Variants in SSH2 observed in about 807,000 individuals in gnomAD.
SSH2 encodes slingshot protein phosphatase 2.
Under a neutral mutation model 135.2 loss-of-function variants are expected in SSH2, and 37 were observed. The ratio of observed to expected loss-of-function variants is 0.27; its 90% confidence interval spans 0.21 to 0.36. SSH2 has a LOEUF of 0.36. Ranked by LOEUF, SSH2 falls within the 10% of genes least tolerant of loss-of-function variation. SSH2 has a pLI of 1.00. For synonymous variants in SSH2, 628 were observed against 646.2 expected, an observed-to-expected ratio of 0.97 and a Z score of 0.43; for missense variants, 1,408 against 1,765.3, an observed-to-expected ratio of 0.80 and a Z score of 3.63.
intron 3 of SSH2, among the ~76,000 whole-genome samples, chr17:29,791,626 C>T (rs2042066277): frequency 1.3e-5 from 2 of 152,220 alleles, no homozygotes; most frequent in South Asian, 4.1e-4. Context: ...TCTTACATAC[C>T]GTATAGCTAC....
At chr17:29,811,852 A>T (rs1220492653) in intron 2 of SSH2, among the ~76,000 whole-genome samples, 2 of 152,218 alleles carry the variant, frequency 1.3e-5, no homozygotes, top group Non-Finnish European at 2.9e-5. Context: ...GCATGAACCA[A>T]ATAATTTAAT....
At chr17:29,764,468 C>G (rs537494509) in intron 3 of SSH2, among the ~76,000 whole-genome samples, 18 of 152,338 alleles carry the variant, frequency 1.2e-4, no homozygotes, top group Admixed American at 2.0e-4. Context: ...GGAGCAAGCT[C>G]TCTGTACCCA....
chr17:29,711,174 G>A (rs144536091), intron 3 of SSH2, among the ~76,000 whole-genome samples: 1 of 152,308 alleles, frequency 6.6e-6, no homozygotes, highest in African/African-American at 2.4e-5. Context: ...ATCAGACTTA[G>A]TTCCAGCTCA....
chr17:29,928,176 G>T (rs751272750), intron 1 of SSH2: 51 of 188,070 alleles, frequency 2.7e-4, no homozygotes, highest in Admixed American at 3.6e-4. Flanking sequence ...TCAAAATCAG[G>T]CCTAGTAACC....
chr17:29,782,264 T>G (rs1017778374), intron 3 of SSH2, among the ~76,000 whole-genome samples: 1 of 152,228 alleles, frequency 6.6e-6, no homozygotes, highest in African/African-American at 2.4e-5. Flanking sequence ...TTAACTAGTA[T>G]TATTTCTAGT....
chr17:29,647,595 T>C (rs183796268), intron 14 of SSH2: 1,569 of 152,504 alleles, frequency 0.01, 11 homozygotes, highest in Non-Finnish European at 0.016. Context: ...CTTTTTTTTC[T>C]TTAAAAAAAA....
rs548850457 is a variant in SSH2 at position 29,709,052 on chromosome 17, A to C, written c.189-5990T>G. The stretch of plus-strand genomic sequence containing the variant: ...GAGAGAGAGAGAGAGAGAGAGAGAG[A>C]GCTAATAATAGCTAACTCAACTAGA... On this transcript the variant is annotated intron_variant, in intron 3 of 15. Transcript: ENST00000540801. 8.8e-4 allele frequency among the ~76,000 whole-genome samples: 128 copies of C among 144,650 alleles called. 1 individual carries two copies. Among genetic ancestry groups the C allele is most frequent in the South Asian group, 2.2e-3 (10 of 4,562 alleles). 94.9% of individuals were successfully genotyped at this position (144,650 alleles called of 152,430 possible). A position where few individuals can be genotyped will look rare whatever the true frequency, so the allele number is the denominator to read the frequency against.
At chr17:29,869,925 G>C (rs951195740) in intron 1 of SSH2, among the ~76,000 whole-genome samples, 1 of 151,778 alleles carries the variant, frequency 6.6e-6, no homozygotes, top group South Asian at 2.1e-4. Context: ...CCTGATCCTA[G>C]AAAAAAACCT....
chr17:29,666,294 A>G (rs1304004279), intron 11 of SSH2, among the ~76,000 whole-genome samples: 1 of 152,176 alleles, frequency 6.6e-6, no homozygotes. Context: ...GAATCACTTG[A>G]GCCTGCGAGG....
chr17:29,700,149 A>G (rs777917775), intron 4 of SSH2, among the ~76,000 whole-genome samples: 1 of 152,172 alleles, frequency 6.6e-6, no homozygotes, highest in Non-Finnish European at 1.5e-5. Flanking sequence ...CCTCTGACCT[A>G]AACACTTAAG....
intron 2 of SSH2, among the ~76,000 whole-genome samples, chr17:29,835,474 A>C (rs1011151418): frequency 6.6e-6 from 1 of 152,210 alleles, no homozygotes; most frequent in Non-Finnish European, 1.5e-5. Flanking sequence ...CAGATACCTT[A>C]AGGATCTAAC....
chr17:29,657,902 C>T (rs1450874073), intron 11 of SSH2, among the ~76,000 whole-genome samples: 1 of 151,490 alleles, frequency 6.6e-6, no homozygotes, highest in Non-Finnish European at 1.5e-5. Context: ...AGTACATCTT[C>T]TGCTTTCTTT....
intron 5 of SSH2, among the ~76,000 whole-genome samples, chr17:29,686,386 G>C (rs1226721170): frequency 6.6e-6 from 1 of 151,030 alleles, no homozygotes; most frequent in Non-Finnish European, 1.5e-5. Context: ...TTAAGAGACG[G>C]AGTCTTGCTC....
chr17:29,692,077 T>A (rs2038505986), intron 5 of SSH2, among the ~76,000 whole-genome samples: 1 of 151,016 alleles, frequency 6.6e-6, no homozygotes, highest in Non-Finnish European at 1.5e-5. Context: ...GAGGCAGAGG[T>A]TGCAATGGGC....
intron 1 of SSH2, among the ~76,000 whole-genome samples, chr17:29,921,439 G>A (rs1327115213): frequency 1.3e-5 from 2 of 152,170 alleles, no homozygotes; most frequent in East Asian, 3.8e-4. Flanking sequence ...TTGGCAACAT[G>A]TATCAAAAGT....
intron 2 of SSH2, among the ~76,000 whole-genome samples, chr17:29,829,973 G>A (rs1484312861): frequency 1.3e-5 from 2 of 151,632 alleles, no homozygotes; most frequent in Non-Finnish European, 1.5e-5. Flanking sequence ...CCGAGTAGCT[G>A]GGACTACAGG....
intron 3 of SSH2, among the ~76,000 whole-genome samples, chr17:29,760,575 G>A (rs1312719542): frequency 6.6e-6 from 1 of 152,152 alleles, no homozygotes. Context: ...GAAGGTGTGC[G>A]TGCAGGCTTG....
chr17:29,857,716 G>T (rs1190504222), intron 1 of SSH2, among the ~76,000 whole-genome samples: 1 of 152,116 alleles, frequency 6.6e-6, no homozygotes, highest in Non-Finnish European at 1.5e-5. Context: ...AAACTCCTGG[G>T]CTCAAACAAT....
rs769764020 is a variant in SSH2, at chr17:29,666,864, T to C, written c.1032+3A>G. Reference sequence around the variant, plus strand: ...CACCACTTAAAGTGGCTTTAAAACTTACCAGGAACACATGCTCAAATATCT... The same window carrying C: ...CACCACTTAAAGTGGCTTTAAAACTCACCAGGAACACATGCTCAAATATCT... On this transcript the variant is annotated splice_donor_region_variant and intron_variant, in intron 11 of 15. Coordinates refer to ENST00000540801, the MANE Select transcript of SSH2 (RefSeq NM_001282129.2). 8.1e-6 allele frequency: 13 copies of C among 1,613,944 alleles called. No individual in the cohort carries two copies. The East Asian group carries it at 2.9e-4, about 36-fold the overall frequency.
Sources: allele counts gnomAD v4.1 joint callset (sites outside exome capture counted in the v4.1 genomes callset), GRCh38; gene constraint gnomAD v4.1.1; transcripts MANE v1.5; gene names NCBI Gene and HGNC (gene_info 2026-07-23, HGNC 2026-07-21).